Variants in CDK19 observed in about 807,000 individuals in gnomAD.
CDK19 encodes the protein cyclin dependent kinase 19.
A neutral mutation model predicts 68.3 loss-of-function variants in CDK19; 20 were observed. The ratio of observed to expected loss-of-function variants is 0.29; its 90% CI spans 0.21 to 0.43. The LOEUF (loss-of-function observed/expected upper bound fraction) is 0.43, where lower values mean the gene tolerates loss of function less well. CDK19 is among the 20% of genes least tolerant of loss of function. The pLI is 1.00. For synonymous variants in CDK19, 221 were observed against 222.8 expected (o/e 0.99, Z 0.07); for missense variants, 339 against 623.5 (o/e 0.54, Z 4.86).
chr6:110,770,801 A>G (rs903377745), intron 1 of CDK19, among the ~76,000 whole-genome samples: 9 of 152,210 alleles, frequency 5.9e-5, no homozygotes, highest in African/African-American at 2.2e-4. Context: ...ACAATGGGGT[A>G]CAGGAATTGG....
At chr6:110,799,948 C>T (rs1782233556) in intron 1 of CDK19, among the ~76,000 whole-genome samples, 1 of 152,130 alleles carries the variant, frequency 6.6e-6, no homozygotes, top group African/African-American at 2.4e-5. Context: ...GGATGCAGAA[C>T]CCATAGATAG....
At chr6:110,785,267 T>C (rs1477212524) in intron 1 of CDK19, among the ~76,000 whole-genome samples, 2 of 152,076 alleles carry the variant, frequency 1.3e-5, no homozygotes, top group African/African-American at 2.4e-5. Context: ...AGGCAAACAG[T>C]TGATCCTTGA....
At chr6:110,646,471 G>A in intron 4 of CDK19, 9 of 1,483,082 alleles carry the variant, frequency 6.1e-6, no homozygotes, top group South Asian at 1.3e-5. Context: ...AGGCCCAGAA[G>A]GCGGAGCCCA....
At chr6:110,746,276 G>A in intron 1 of CDK19, 75 bp from the exon 2 acceptor site, 2 of 820,358 alleles carry the variant, frequency 2.4e-6, no homozygotes, top group South Asian at 1.6e-5. Context: ...AAAAACAATG[G>A]AAATGCACTT....
chr6:110,685,033 G>GA (rs2114540395), intron 2 of CDK19, among the ~76,000 whole-genome samples: 1 of 152,288 alleles, frequency 6.6e-6, no homozygotes, highest in Non-Finnish European at 1.5e-5. Context: ...AGCTACCCAA[G>GA]AGGCTGAGGC....
At position 110,611,076 on chromosome 6, in the gene CDK19, TTGGTCTTTG is replaced by T. The variant is rs1158111082; in HGVS notation, c.*3450_*3458del. 6.6e-6 allele frequency: 1 copy of T among 152,224 alleles called. No individual in the cohort carries two copies. The highest frequency in any genetic ancestry group is 2.4e-5 in the African/African-American group (1 of 41,452). 9.4% of individuals were successfully genotyped at this position (152,224 alleles called of 1,614,324 possible). ...AGAGATATAAAAATATACATAATCC[TTGGTCTTTG>T]TATGTCACTGCATGATCTACTTCAT... On this transcript the variant is annotated 3_prime_UTR_variant, in exon 13 of 13. Coordinates refer to ENST00000368911, the MANE Select transcript of CDK19 (RefSeq NM_015076.5).
intron 1 of CDK19, among the ~76,000 whole-genome samples, chr6:110,769,152 C>CAAAAAA (rs536664282): frequency 2.0e-5 from 1 of 50,548 alleles, no homozygotes; most frequent in Admixed American, 2.6e-4. Context: ...GACTCTGTCT[C>CAAAAAA]AAAAAAAAAA....
rs542480449 is a variant in CDK19 at position 110,757,960 on chromosome 6, G to A, written c.129-11759C>T. 4.6e-5 allele frequency among the ~76,000 whole-genome samples: 7 copies of A among 152,284 alleles called. No homozygotes were observed. In the South Asian group the frequency reaches 1.0e-3, roughly 23 times the overall value. On this transcript the variant is annotated intron_variant, in intron 1 of 12. Coordinates refer to ENST00000368911, the MANE Select transcript of CDK19 (RefSeq NM_015076.5). ...AATCCCAGCACTTTAGGAGGCCAAG[G>A]TGGGTGAATTGCTTGAGGCCAGGAG... is the stretch of plus-strand genomic sequence containing the variant.
chr6:110,643,018 G>A (rs1582756871), intron 4 of CDK19, among the ~76,000 whole-genome samples: 1 of 152,332 alleles, frequency 6.6e-6, no homozygotes, highest in East Asian at 1.9e-4. Context: ...AGGTAGGCCT[G>A]AGAGCAGCTG....
Position 110,815,227 on chromosome 6 carries a change from C to G in CDK19, c.-91G>C. ...CCCCCGCGACCGCCGCTCCACTTCT[C>G]CAACAGCCGCCTCTCGCGCGCGCGC... On this transcript the variant is annotated 5_prime_UTR_variant, in exon 1 of 13. Transcript: ENST00000368911. The G allele has an allele frequency of 2.2e-6, 3 of 1,353,358 alleles. No homozygotes were observed. The highest frequency in any genetic ancestry group is 2.9e-6 in the Non-Finnish European group (3 of 1,052,096). 83.8% of individuals were successfully genotyped at this position (1,353,358 alleles called of 1,614,324 possible).
chr6:110,642,874 A>T (rs1474049112), intron 4 of CDK19, among the ~76,000 whole-genome samples: 2 of 152,100 alleles, frequency 1.3e-5, no homozygotes, highest in African/African-American at 4.8e-5. Context: ...GAGACAGCAG[A>T]GGAGAGGGAA....
At chr6:110,655,374 A>T (rs928950714) in intron 4 of CDK19, among the ~76,000 whole-genome samples, 10 of 151,962 alleles carry the variant, frequency 6.6e-5, no homozygotes, top group Non-Finnish European at 1.3e-4. Flanking sequence ...TCAAAAAAAA[A>T]AAAATAAATA....
At chr6:110,767,305 C>T (rs1417095701) in intron 1 of CDK19, among the ~76,000 whole-genome samples, 1 of 151,528 alleles carries the variant, frequency 6.6e-6, no homozygotes, top group Non-Finnish European at 1.5e-5. Context: ...TGTTCCATAG[C>T]ACAGAAGAGT....
At chr6:110,675,478 C>A (rs1258025537) in intron 2 of CDK19, among the ~76,000 whole-genome samples, 1 of 151,722 alleles carries the variant, frequency 6.6e-6, no homozygotes, top group Non-Finnish European at 1.5e-5. Flanking sequence ...AAATACAAAA[C>A]TAGCCGGGTG....
intron 1 of CDK19, among the ~76,000 whole-genome samples, chr6:110,756,088 G>A (rs2114927499): frequency 6.6e-6 from 1 of 152,026 alleles, no homozygotes; most frequent in South Asian, 2.1e-4. Context: ...GTGAAACTCT[G>A]TCTCTACTAA....
chr6:110,634,859 T>C (rs1435192033), intron 5 of CDK19, among the ~76,000 whole-genome samples: 1 of 152,212 alleles, frequency 6.6e-6, no homozygotes, highest in Non-Finnish European at 1.5e-5. Context: ...TCTCCCCTTA[T>C]TCTCTACCTC....
intron 1 of CDK19, chr6:110,814,478 G>A (rs754686082): frequency 1.3e-5 from 5 of 384,342 alleles, no homozygotes; most frequent in Non-Finnish European, 2.5e-5. Flanking sequence ...GATCGCTGCT[G>A]GGGGCGGCGG....
intron 4 of CDK19, among the ~76,000 whole-genome samples, chr6:110,647,203 C>A (rs1780658255): frequency 6.6e-6 from 1 of 152,148 alleles, no homozygotes; most frequent in Non-Finnish European, 1.5e-5. Flanking sequence ...CGGCCAGTAA[C>A]CTCGAAGCAT....
chr6:110,768,192 C>G (rs143973688), intron 1 of CDK19, among the ~76,000 whole-genome samples: 2 of 152,220 alleles, frequency 1.3e-5, no homozygotes, highest in East Asian at 3.9e-4. Flanking sequence ...TAAAACACAC[C>G]ACTGTACACC....
Sources: gnomAD v4.1 joint callset for allele counts (sites outside exome capture counted in the v4.1 genomes callset) on GRCh38, gnomAD v4.1.1 for gene constraint, MANE v1.5 for transcripts, NCBI Gene and HGNC (gene_info 2026-07-23, HGNC 2026-07-21) for gene names.